AUTS2: variants seen among roughly 807,000 people sequenced by gnomAD.
AUTS2 encodes autism susceptibility gene 2 protein.
AUTS2 carries 17 observed loss-of-function variants against 112.4 expected under a neutral mutation model. The ratio of observed to expected loss-of-function variants is 0.15; its 90% CI spans 0.10 to 0.23. The LOEUF is 0.23. Among genes scored for constraint, AUTS2 ranks in the 10% least tolerant of loss-of-function variants. The pLI, the probability that AUTS2 is intolerant of heterozygous loss-of-function variation, is 1.00. For missense variants in AUTS2, 1,510 were observed against 1,701.6 expected (o/e 0.89, Z 1.98); for synonymous variants, 751 against 702.7 (o/e 1.07, Z -1.09).
chr7:70,092,680 T>G (rs139710054), intron 2 of AUTS2, among the ~76,000 whole-genome samples: 4 of 152,102 alleles, frequency 2.6e-5, no homozygotes, highest in Non-Finnish European at 5.9e-5. Context: ...TGCACTGAAA[T>G]TTCTTTGATG....
chr7:70,128,911 TC>T (rs1806118877), intron 3 of AUTS2, among the ~76,000 whole-genome samples: 1 of 152,312 alleles, frequency 6.6e-6, no homozygotes, highest in African/African-American at 2.4e-5. Flanking sequence ...GATGCATCAT[TC>T]CAGTCTCTTC....
At chr7:69,653,945 A>G (rs561457768) in intron 1 of AUTS2, among the ~76,000 whole-genome samples, 28 of 152,238 alleles carry the variant, frequency 1.8e-4, no homozygotes, top group African/African-American at 6.0e-4. Context: ...GCAGATCCAG[A>G]TGGGCAGAGG....
chr7:70,718,721 T>C (rs1585564970), intron 6 of AUTS2, among the ~76,000 whole-genome samples: 1 of 152,112 alleles, frequency 6.6e-6, no homozygotes, highest in Admixed American at 6.6e-5. Context: ...AAACAACAGA[T>C]CTAGCCCTGC....
chr7:70,219,652 G>A (rs1221377667), intron 4 of AUTS2, among the ~76,000 whole-genome samples: 1 of 150,456 alleles, frequency 6.6e-6, no homozygotes, highest in Admixed American at 6.7e-5. Context: ...GCTCACTGCA[G>A]CCTCTGCCTC....
intron 5 of AUTS2, among the ~76,000 whole-genome samples, chr7:70,570,672 C>T (rs1801901125): frequency 6.6e-6 from 1 of 152,148 alleles, no homozygotes; most frequent in South Asian, 2.1e-4. Flanking sequence ...CTATGTGGAC[C>T]CAGCTGGGGT....
At chr7:70,504,766 A>T (rs1187052014) in intron 5 of AUTS2, among the ~76,000 whole-genome samples, 1 of 152,096 alleles carries the variant, frequency 6.6e-6, no homozygotes, top group Admixed American at 6.5e-5. Flanking sequence ...TTCTGTTTTT[A>T]TATTTACACA....
At chr7:69,724,734 T>C (rs958308580) in intron 1 of AUTS2, among the ~76,000 whole-genome samples, 1 of 152,210 alleles carries the variant, frequency 6.6e-6, no homozygotes, top group Admixed American at 6.5e-5. Flanking sequence ...TTTCAAATTA[T>C]GGTCTAGGAC....
chr7:70,650,932 G>A (rs926726404), intron 5 of AUTS2, among the ~76,000 whole-genome samples: 5 of 152,196 alleles, frequency 3.3e-5, no homozygotes, highest in African/African-American at 1.2e-4. Flanking sequence ...ATCACGTTGA[G>A]GGCATGGCTG....
In AUTS2 at chr7:70,787,476, C is replaced by G. The variant is rs2293499; in HGVS notation, c.2531+45C>G. On this transcript the variant is annotated intron_variant, in intron 18 of 18. Transcript: ENST00000342771. ...TCGAGTCCCCACGGGGGAGCCTGCT[C>G]TATGCCAAGTACCAGTGGAACTGGC... 15 of 1,402,648 alleles carry G rather than the reference C, an allele frequency of 1.1e-5. No homozygotes were observed. In the East Asian group the frequency reaches 3.4e-4, roughly 31 times the overall value. 86.9% of individuals were successfully genotyped at this position (1,402,648 alleles called of 1,614,324 possible).
At chr7:70,044,956 CT>C (rs1563061987) in intron 2 of AUTS2, among the ~76,000 whole-genome samples, 1 of 148,526 alleles carries the variant, frequency 6.7e-6, no homozygotes, top group African/African-American at 2.5e-5. Context: ...TAACTTAGCT[CT>C]TTTTTTCGAA....
At chr7:70,480,355 G>A (rs1160151511) in intron 5 of AUTS2, among the ~76,000 whole-genome samples, 1 of 152,180 alleles carries the variant, frequency 6.6e-6, no homozygotes, top group African/African-American at 2.4e-5. Flanking sequence ...GGTAGAAATA[G>A]CTCAGAAGAA....
At chr7:70,103,808 G>T (rs1011902486) in intron 2 of AUTS2, among the ~76,000 whole-genome samples, 2 of 151,796 alleles carry the variant, frequency 1.3e-5, no homozygotes, top group Non-Finnish European at 2.9e-5. Flanking sequence ...TAGTTGGGAG[G>T]CTGAGGCAGG....
chr7:70,147,992 G>T (rs1312623265), intron 4 of AUTS2, among the ~76,000 whole-genome samples: 1 of 152,064 alleles, frequency 6.6e-6, no homozygotes, highest in Non-Finnish European at 1.5e-5. Flanking sequence ...TATGTGGCTG[G>T]ATTCTGTAAA....
chr7:70,624,438 T>A (rs1020229333), intron 5 of AUTS2, among the ~76,000 whole-genome samples: 3 of 152,236 alleles, frequency 2.0e-5, no homozygotes, highest in Non-Finnish European at 4.4e-5. Context: ...AACCTTATTG[T>A]GTATATCTTT....
At chr7:70,376,583 T>G (rs1793094537) in intron 4 of AUTS2, among the ~76,000 whole-genome samples, 1 of 151,732 alleles carries the variant, frequency 6.6e-6, no homozygotes. Flanking sequence ...TGTTCTCTTC[T>G]GGTCACTGGC....
chr7:70,062,068 G>A (rs1190984627), intron 2 of AUTS2, among the ~76,000 whole-genome samples: 3 of 151,950 alleles, frequency 2.0e-5, no homozygotes, highest in Non-Finnish European at 2.9e-5. Flanking sequence ...GATTACAGGC[G>A]TGAGCCACTG....
At chr7:70,711,147 G>A (rs552532010) in intron 6 of AUTS2, among the ~76,000 whole-genome samples, 72 of 152,280 alleles carry the variant, frequency 4.7e-4, no homozygotes, top group African/African-American at 1.6e-3. Flanking sequence ...GCACACCTTC[G>A]GGTCAGGCTC....
At chr7:70,411,651 A>G (rs1038649707) in intron 4 of AUTS2, among the ~76,000 whole-genome samples, 5 of 152,204 alleles carry the variant, frequency 3.3e-5, no homozygotes, top group Non-Finnish European at 5.9e-5. Context: ...CAAAAATAAT[A>G]TAGATACTAC....
At chr7:70,770,670 T>A (rs1790279435) in intron 10 of AUTS2, among the ~76,000 whole-genome samples, 2 of 152,238 alleles carry the variant, frequency 1.3e-5, no homozygotes, top group Non-Finnish European at 2.9e-5. Flanking sequence ...ATCATTCTTT[T>A]ACCATCATAG....
Sources: allele counts gnomAD v4.1 joint callset (sites outside exome capture counted in the v4.1 genomes callset), GRCh38; gene constraint gnomAD v4.1.1; transcripts MANE v1.5; gene names NCBI Gene and HGNC (gene_info 2026-07-23, HGNC 2026-07-21).